Variants in SLC6A3 observed in about 807,000 individuals in gnomAD.
SLC6A3 encodes the protein sodium-dependent dopamine transporter.
Under a neutral mutation model 70.4 loss-of-function variants are expected in SLC6A3, and 19 were observed. The observed-to-expected ratio is 0.27, with a 90% CI of 0.19 to 0.40. The LOEUF (loss-of-function observed/expected upper bound fraction) is 0.40. SLC6A3 is among the 10% of genes least tolerant of loss of function. The pLI, the probability that SLC6A3 is intolerant of heterozygous loss-of-function variation, is 1.00. For synonymous variants in SLC6A3, 368 were observed against 356.6 expected, an observed-to-expected ratio of 1.03 and a Z score of -0.36; for missense variants, 613 against 838.5, an observed-to-expected ratio of 0.73 and a Z score of 3.32.
At chr5:1,417,503 C>T (rs1234657501) in intron 6 of SLC6A3, among the ~76,000 whole-genome samples, 1 of 152,252 alleles carries the variant, frequency 6.6e-6, no homozygotes, top group Non-Finnish European at 1.5e-5. Flanking sequence ...AGGAGCCCAC[C>T]TGCAGCTTAG....
chr5:1,436,579 C>T lies in SLC6A3; in HGVS notation c.419-3881G>A, dbSNP rs960134618. Among the ~76,000 whole-genome samples the T allele has an allele frequency of 2.0e-5, 3 of 152,148 alleles. No homozygotes were observed. Among genetic ancestry groups the T allele is most frequent in the African/African-American group, 7.2e-5 (3 of 41,442 alleles). On this transcript the variant is annotated intron_variant, in intron 3 of 14. Coordinates refer to ENST00000270349, the MANE Select transcript of SLC6A3 (RefSeq NM_001044.5). The surrounding 1 kb of genome is among the most constrained non-coding windows in gnomAD (Gnocchi z 5.2). ...ATTTATTTTTGCTTAGTATCTTTTT[C>T]TTTATATTAACCTTGTGTGTAGTTT...
In SLC6A3 at chr5:1,406,333, T is replaced by TC. The variant is rs1425434121; in HGVS notation, c.1499-46dup. On this transcript the variant is annotated intron_variant, in intron 11 of 14. Transcript: ENST00000270349. This position sits in a 1 kb window ranked among gnomAD's most constrained non-coding sequence, Gnocchi z 8.8. ...ATCAGTGTCCATCAGGGCAGCGCAT[T>TC]CCCCCGATGCTGGACACGTGTGGGG... 7 of 1,508,442 alleles carry TC rather than the reference T, an allele frequency of 4.6e-6. No homozygotes were observed. The highest frequency in any genetic ancestry group is 6.5e-6 in the Non-Finnish European group (7 of 1,084,708). 93.4% of individuals were successfully genotyped at this position (1,508,442 alleles called of 1,614,324 possible).
rs1756862124 is a variant in SLC6A3, at chr5:1,437,327, A to T, written c.418+4032T>A. Among the ~76,000 whole-genome samples, 1 of 151,928 alleles carries T rather than the reference A, an allele frequency of 6.6e-6. No homozygotes were observed. On this transcript the variant is annotated intron_variant, in intron 3 of 14. Transcript: ENST00000270349. The surrounding 1 kb of genome is among the most constrained non-coding windows in gnomAD (Gnocchi z 4.8). ...TCTCTGTGTCAGTCTGGGTGTCTTT[A>T]GTATGTGCTTGCTGTGTGTGCATGT... is the stretch of plus-strand genomic sequence containing the variant.
intron 12 of SLC6A3, 144 bp from the exon 13 acceptor site, chr5:1,403,233 G>A (rs1755893719): frequency 4.5e-6 from 4 of 884,994 alleles, no homozygotes; most frequent in Non-Finnish European, 7.1e-6. Flanking sequence ...CTGCAGACAT[G>A]GCAGCTGGGC....
At position 1,442,840 on chromosome 5, in the gene SLC6A3, G is replaced by T; in HGVS notation, c.286+72C>A. On this transcript the variant is annotated intron_variant, in intron 2 of 14. Coordinates refer to ENST00000270349, the MANE Select transcript of SLC6A3 (RefSeq NM_001044.5). This position sits in a 1 kb window ranked among gnomAD's most constrained non-coding sequence, Gnocchi z 5.0. Reference sequence around the variant, plus strand: ...GAACAGCTTCATCTCGTTTCCGTACGTGCCTTGGCCCCGGCTGCCCCTACG... The same window carrying T: ...GAACAGCTTCATCTCGTTTCCGTACTTGCCTTGGCCCCGGCTGCCCCTACG... The T allele has an allele frequency of 6.7e-7, 1 of 1,491,626 alleles. No homozygotes were observed. The highest frequency in any genetic ancestry group is 9.3e-7 in the Non-Finnish European group (1 of 1,070,684). The allele number at this position is 1,491,626 out of a possible 1,614,324, so 92.4% of individuals were successfully genotyped here.
In SLC6A3 at chr5:1,445,429, C is replaced by G. The variant is rs2735934; in HGVS notation, c.-127G>C. On this transcript the variant is annotated 5_prime_UTR_variant, in exon 1 of 15. Coordinates refer to ENST00000270349, the MANE Select transcript of SLC6A3 (RefSeq NM_001044.5). The stretch of plus-strand genomic sequence containing the variant: ...AAGCCTCCCCTCCCGCTCCGCAGCG[C>G]TGGGCGGTCTCAGCCTCGGCCTCGG... The G allele has an allele frequency of 5.9e-6, 1 of 170,332 alleles. No individual in the cohort carries two copies. The highest frequency in any genetic ancestry group is 1.3e-5 in the Non-Finnish European group (1 of 79,570). 10.6% of individuals were successfully genotyped at this position (170,332 alleles called of 1,614,324 possible).
In SLC6A3 at chr5:1,394,929, C is replaced by T. The variant is rs1225735882; in HGVS notation, c.1840-171G>A. On this transcript the variant is annotated intron_variant, in intron 14 of 14. Coordinates refer to ENST00000270349, the MANE Select transcript of SLC6A3 (RefSeq NM_001044.5). The surrounding 1 kb of genome is among the most constrained non-coding windows in gnomAD (Gnocchi z 4.7). ...GGGGCCTGGACCAACACACCCTTGA[C>T]AGGTGCCGGGGATCCGATGCCTCAC... Among the ~76,000 whole-genome samples, 1 of 152,176 alleles carries T rather than the reference C, an allele frequency of 6.6e-6. No individual in the cohort carries two copies. Among genetic ancestry groups the T allele is most frequent in the South Asian group, 2.1e-4 (1 of 4,830 alleles).
Position 1,414,959 on chromosome 5 carries a change from C to T in SLC6A3, c.1032-144G>A, listed in dbSNP as rs996449782. 13 of 1,026,330 alleles carry T rather than the reference C, an allele frequency of 1.3e-5. No homozygotes were observed. In the Admixed American group the frequency reaches 1.8e-4, roughly 14 times the overall value. The allele number at this position is 1,026,330 out of a possible 1,614,324, so 63.6% of individuals were successfully genotyped here. On this transcript the variant is annotated intron_variant, in intron 7 of 14. Transcript: ENST00000270349. Reference sequence around the variant, plus strand: ...TACTTTTCCCAGTGAGCACGGCCAGCTCCTTAGCAGCCTGGCAGAGCTGTC... The same window carrying T: ...TACTTTTCCCAGTGAGCACGGCCAGTTCCTTAGCAGCCTGGCAGAGCTGTC...
rs1012804511 is a variant in SLC6A3, at chr5:1,437,013, A to G, written c.419-4315T>C. Among the ~76,000 whole-genome samples the G allele has an allele frequency of 6.6e-6, 1 of 152,196 alleles. No homozygotes were observed. Among genetic ancestry groups the G allele is most frequent in the African/African-American group, 2.4e-5 (1 of 41,438 alleles). On this transcript the variant is annotated intron_variant, in intron 3 of 14. Coordinates refer to ENST00000270349, the MANE Select transcript of SLC6A3 (RefSeq NM_001044.5). This position sits in a 1 kb window ranked among gnomAD's most constrained non-coding sequence, Gnocchi z 4.8. ...ACTCCTGTAATCCCAGCACTTTGGGAGGCCAAGGCAGGCGGATCATGAGGT... is the reference window on the plus strand; with the variant it reads ...ACTCCTGTAATCCCAGCACTTTGGGGGGCCAAGGCAGGCGGATCATGAGGT...
In SLC6A3 at chr5:1,416,531, G is replaced by A. The variant is rs2042449; in HGVS notation, c.928-330C>T. On this transcript the variant is annotated intron_variant, in intron 6 of 14. Coordinates refer to ENST00000270349, the MANE Select transcript of SLC6A3 (RefSeq NM_001044.5). ...AACAGCATGGACTCATCCACACACG[G>A]CATGACCACAGCATCCTAATAACCC... 98,028 of 453,554 alleles carry A rather than the reference G, an allele frequency of 0.22. 11,108 individuals are homozygous for A. Among genetic ancestry groups the A allele is most frequent in the South Asian group, 0.27 (12,880 of 47,214 alleles). The allele number at this position is 453,554 out of a possible 1,614,324, so 28.1% of individuals were successfully genotyped here.
intron 4 of SLC6A3, among the ~76,000 whole-genome samples, chr5:1,427,965 A>C (rs1481182143): frequency 1.3e-5 from 2 of 152,202 alleles, no homozygotes; most frequent in Non-Finnish European, 1.5e-5. Context: ...GTAAGGATGT[A>C]GAAAACCTGA....
rs951316359 is a variant in SLC6A3 at position 1,396,756 on chromosome 5, T to C, written c.1840-1998A>G. On this transcript the variant is annotated intron_variant, in intron 14 of 14. Coordinates refer to ENST00000270349, the MANE Select transcript of SLC6A3 (RefSeq NM_001044.5). The surrounding 1 kb of genome is among the most constrained non-coding windows in gnomAD (Gnocchi z 7.0). ...TCCCCCAGCCAGGAGAATGTCATGA[T>C]TCTCGGGGATCTGCATGGGGTGTGC... Among the ~76,000 whole-genome samples the C allele has an allele frequency of 2.0e-5, 3 of 152,168 alleles. No homozygotes were observed. The highest frequency in any genetic ancestry group is 6.5e-5 in the Admixed American group (1 of 15,276).
chr5:1,415,588 T>C (rs1375220264), intron 7 of SLC6A3, among the ~76,000 whole-genome samples: 1 of 152,042 alleles, frequency 6.6e-6, no homozygotes, highest in Non-Finnish European at 1.5e-5. Flanking sequence ...TCCATAAAGG[T>C]CAAAGCAAGC....
chr5:1,429,277 G>A (rs1756642125), intron 4 of SLC6A3, among the ~76,000 whole-genome samples: 2 of 152,188 alleles, frequency 1.3e-5, no homozygotes, highest in South Asian at 4.1e-4. Flanking sequence ...CAGAAGGTGT[G>A]GGAGGAGTGC....
intron 6 of SLC6A3, among the ~76,000 whole-genome samples, chr5:1,418,137 T>A (rs1259193490): frequency 6.6e-6 from 1 of 152,138 alleles, no homozygotes; most frequent in Non-Finnish European, 1.5e-5. Flanking sequence ...GTGGCTCCCA[T>A]GCTGGTCATC....
intron 5 of SLC6A3, 27 bp from the exon 6 acceptor site, chr5:1,420,730 C>A (rs972674953): frequency 7.4e-6 from 12 of 1,612,280 alleles, no homozygotes; most frequent in Non-Finnish European, 1.0e-5. Flanking sequence ...TGTCACCAGG[C>A]TGCACAGGCA....
chr5:1,424,909 C>T (rs1017296117), intron 4 of SLC6A3, among the ~76,000 whole-genome samples: 3 of 152,242 alleles, frequency 2.0e-5, no homozygotes, highest in African/African-American at 7.2e-5. Flanking sequence ...GAGCTGACCA[C>T]AGCATGGGAA....
chr5:1,441,022 T>C (rs923038048), intron 3 of SLC6A3, among the ~76,000 whole-genome samples: 6 of 152,224 alleles, frequency 3.9e-5, no homozygotes, highest in African/African-American at 7.2e-5. Context: ...AATGGATAGA[T>C]AGATAACAGA....
At chr5:1,422,782 A>C (rs1579716348) in intron 4 of SLC6A3, among the ~76,000 whole-genome samples, 1 of 64,708 alleles carries the variant, frequency 1.5e-5, no homozygotes, top group Non-Finnish European at 2.7e-5. Flanking sequence ...ACCGCTGCCC[A>C]CAGTGCTGCC....
Sources: allele counts gnomAD v4.1 joint callset (sites outside exome capture counted in the v4.1 genomes callset), GRCh38; gene constraint gnomAD v4.1.1; non-coding constraint Gnocchi (gnomAD v3.1); transcripts MANE v1.5; gene names NCBI Gene and HGNC (gene_info 2026-07-23, HGNC 2026-07-21).